TMEM132D: variants seen among roughly 807,000 people sequenced by gnomAD.
The protein encoded by TMEM132D is transmembrane protein 132D.
TMEM132D carries 21 observed loss-of-function variants against 62.3 expected under a neutral mutation model. The ratio of observed to expected loss-of-function variants is 0.34; its 90% confidence interval spans 0.24 to 0.49. The LOEUF (loss-of-function observed/expected upper bound fraction) is 0.49. TMEM132D is among the 20% of genes least tolerant of loss of function. TMEM132D has a pLI of 0.99. For synonymous variants in TMEM132D, 621 were observed against 575.6 expected (o/e 1.08, Z -1.13); for missense variants, 1,346 against 1,402.8 (o/e 0.96, Z 0.65).
chr12:129,099,079 G>C (rs575264489), intron 5 of TMEM132D, among the ~76,000 whole-genome samples: 5 of 152,302 alleles, frequency 3.3e-5, no homozygotes, highest in African/African-American at 1.2e-4. Flanking sequence ...ATAGACTTTT[G>C]TCACAAAGCA....
At chr12:129,153,100 T>C (rs1457104807) in intron 5 of TMEM132D, among the ~76,000 whole-genome samples, 4 of 152,164 alleles carry the variant, frequency 2.6e-5, no homozygotes, top group Admixed American at 2.0e-4. Flanking sequence ...CCCCTCTTTG[T>C]CCTTCCAGCC....
chr12:129,653,307 G>A (rs1879980636), intron 2 of TMEM132D, among the ~76,000 whole-genome samples: 1 of 152,184 alleles, frequency 6.6e-6, no homozygotes, highest in South Asian at 2.1e-4. Context: ...CACACAGCCA[G>A]GGCTTCCGGC....
chr12:129,303,670 A>C, intron 4 of TMEM132D, among the ~76,000 whole-genome samples: 1 of 152,328 alleles, frequency 6.6e-6, no homozygotes, highest in African/African-American at 2.4e-5. Flanking sequence ...CAGAGCCAAC[A>C]GGATATACAC....
At chr12:129,422,888 A>G (rs1566063880) in intron 3 of TMEM132D, among the ~76,000 whole-genome samples, 2 of 150,594 alleles carry the variant, frequency 1.3e-5, no homozygotes, top group African/African-American at 2.5e-5. Context: ...ATATATATAT[A>G]TATGTATACA....
intron 3 of TMEM132D, among the ~76,000 whole-genome samples, chr12:129,527,191 C>T: frequency 6.6e-6 from 1 of 152,086 alleles, no homozygotes; most frequent in Non-Finnish European, 1.5e-5. Context: ...CGCCTGTAAT[C>T]CCAGCTACTT....
At chr12:129,340,055 A>T (rs938211464) in intron 3 of TMEM132D, among the ~76,000 whole-genome samples, 1 of 152,130 alleles carries the variant, frequency 6.6e-6, no homozygotes, top group Non-Finnish European at 1.5e-5. Context: ...ACATCTCTTC[A>T]TATATGTAAG....
At chr12:129,351,504 G>A (rs573827417) in intron 3 of TMEM132D, among the ~76,000 whole-genome samples, 16 of 152,142 alleles carry the variant, frequency 1.1e-4, no homozygotes, top group Admixed American at 2.0e-4. Flanking sequence ...TTTTAACAGC[G>A]GCCCAAGAGG....
At chr12:129,558,880 A>G (rs1877135467) in intron 2 of TMEM132D, among the ~76,000 whole-genome samples, 1 of 152,336 alleles carries the variant, frequency 6.6e-6, no homozygotes, top group African/African-American at 2.4e-5. Flanking sequence ...ACTTTGTCAT[A>G]GTAATGGCAC....
intron 2 of TMEM132D, among the ~76,000 whole-genome samples, chr12:129,571,822 A>AT (rs1263433519): frequency 4.0e-5 from 6 of 151,844 alleles, no homozygotes; most frequent in Admixed American, 6.6e-5. Flanking sequence ...ATATTTAGGG[A>AT]TTTTTTTTAA....
At chr12:129,334,483 C>T (rs1192503782) in intron 4 of TMEM132D, among the ~76,000 whole-genome samples, 2 of 152,176 alleles carry the variant, frequency 1.3e-5, no homozygotes, top group Non-Finnish European at 2.9e-5. Flanking sequence ...AATAAGGCAC[C>T]TTGCTCTGGG....
intron 5 of TMEM132D, among the ~76,000 whole-genome samples, chr12:129,171,231 T>C (rs1420461189): frequency 6.6e-6 from 1 of 152,172 alleles, no homozygotes; most frequent in African/African-American, 2.4e-5. Flanking sequence ...TGCTCATCCA[T>C]AAAAAGCAAC....
At chr12:129,662,068 A>G (rs1300335901) in intron 2 of TMEM132D, among the ~76,000 whole-genome samples, 1 of 152,220 alleles carries the variant, frequency 6.6e-6, no homozygotes, top group Non-Finnish European at 1.5e-5. Context: ...AGGTGGAGTA[A>G]GCTATACTAG....
At chr12:129,643,808 T>TTTCCGGACTGAACCAA (rs1879700937) in intron 2 of TMEM132D, among the ~76,000 whole-genome samples, 1 of 151,822 alleles carries the variant, frequency 6.6e-6, no homozygotes, top group South Asian at 2.1e-4. Context: ...TTGTCCCACC[T>TTTCCGGACTGAACCAA]TTCCGGACTG....
chr12:129,144,032 G>T (rs1025583753), intron 5 of TMEM132D, among the ~76,000 whole-genome samples: 33 of 152,066 alleles, frequency 2.2e-4, no homozygotes, highest in African/African-American at 7.7e-4. Flanking sequence ...TTTCTTGCGG[G>T]ACCCTTATCT....
At chr12:129,129,951 ATTC>A (rs1448553035) in intron 5 of TMEM132D, among the ~76,000 whole-genome samples, 1 of 150,462 alleles carries the variant, frequency 6.6e-6, no homozygotes, top group Non-Finnish European at 1.5e-5. Flanking sequence ...AGCCCAACCT[ATTC>A]TTTGTGATTA....
intron 5 of TMEM132D, among the ~76,000 whole-genome samples, chr12:129,149,512 GGACA>G (rs1877012121): frequency 6.6e-6 from 1 of 152,150 alleles, no homozygotes; most frequent in African/African-American, 2.4e-5. Flanking sequence ...ACAACTCATC[GGACA>G]GTCAGACATT....
intron 2 of TMEM132D, among the ~76,000 whole-genome samples, chr12:129,591,439 C>T (rs371636362): frequency 2.0e-5 from 3 of 152,156 alleles, no homozygotes; most frequent in South Asian, 4.2e-4. Flanking sequence ...CACTTTGCAA[C>T]GGCTTCATAC....
intron 3 of TMEM132D, among the ~76,000 whole-genome samples, chr12:129,375,088 A>C (rs1442067490): frequency 1.3e-5 from 2 of 152,196 alleles, no homozygotes; most frequent in East Asian, 3.9e-4. Context: ...CTCAGCCACA[A>C]CACTCTGCTC....
At chr12:129,353,034 G>A (rs1318084539) in intron 3 of TMEM132D, among the ~76,000 whole-genome samples, 1 of 152,002 alleles carries the variant, frequency 6.6e-6, no homozygotes, top group Admixed American at 6.6e-5. Flanking sequence ...CCTCTCTTGG[G>A]GTCTGGATTG....
Sources: gnomAD v4.1 joint callset for allele counts (sites outside exome capture counted in the v4.1 genomes callset) on GRCh38, gnomAD v4.1.1 for gene constraint, MANE v1.5 for transcripts, NCBI Gene and HGNC (gene_info 2026-07-23, HGNC 2026-07-21) for gene names.